Variants in SLC20A2 observed in about 807,000 individuals in gnomAD.
The protein encoded by SLC20A2 is sodium-dependent phosphate transporter 2.
In SLC20A2, 30 loss-of-function variants were observed where a neutral mutation model predicts 61.0. The observed-to-expected ratio is 0.49, with a 90% CI of 0.37 to 0.67. The LOEUF is 0.67. SLC20A2 is among the 30% of genes least tolerant of loss of function. The pLI, the probability that SLC20A2 is intolerant of heterozygous loss-of-function variation, is 0.00. For synonymous variants in SLC20A2, 351 were observed against 353.3 expected, an observed-to-expected ratio of 0.99 and a Z score of 0.07; for missense variants, 626 against 866.4, an observed-to-expected ratio of 0.72 and a Z score of 3.48.
chr8:42,525,046 A>T (rs1448896530), intron 1 of SLC20A2, among the ~76,000 whole-genome samples: 1 of 152,098 alleles, frequency 6.6e-6, no homozygotes, highest in Non-Finnish European at 1.5e-5. Flanking sequence ...GTTTTAGTTC[A>T]TCTTTTGTTA....
Position 42,437,445 on chromosome 8 carries a change from T to A in SLC20A2, c.1067A>T (p.Asp356Val), listed in dbSNP as rs1804370172. Reference sequence around the variant, plus strand: ...GTCGATGTGGATTTTGTGCAGCAGATCTTTGTAGAGCCCCGAGTCTTTGTG... The same window carrying A: ...GTCGATGTGGATTTTGTGCAGCAGAACTTTGTAGAGCCCCGAGTCTTTGTG... ...TVHKDSGLYK[D>V]LLHKIHIDRG... The change falls in exon 8 of 11, where the codon GAT (aspartate) becomes GTT (valine). Residue 356 changes from aspartate (D) to valine (V), a missense_variant. Asp to Val is a radical substitution (Grantham distance 152). Coordinates refer to ENST00000520262, the MANE Select transcript of SLC20A2 (RefSeq NM_001257180.2). This position sits in a 1 kb window ranked among gnomAD's most constrained non-coding sequence, Gnocchi z 6.4. 4.3e-6 allele frequency: 7 copies of A among 1,614,036 alleles called. No individual in the cohort carries two copies. Among genetic ancestry groups the A allele is most frequent in the Non-Finnish European group, 4.2e-6 (5 of 1,179,994 alleles).
chr8:42,453,455 C>A (rs1805901137), intron 5 of SLC20A2, among the ~76,000 whole-genome samples: 1 of 152,102 alleles, frequency 6.6e-6, no homozygotes, highest in East Asian at 1.9e-4. Context: ...AAATAATCAA[C>A]TTCACAATAA....
intron 8 of SLC20A2, among the ~76,000 whole-genome samples, chr8:42,430,583 G>A (rs569878661): frequency 5.3e-5 from 8 of 152,132 alleles, no homozygotes; most frequent in African/African-American, 1.4e-4. Flanking sequence ...GGCTGGTCTC[G>A]AACCCCTGAC....
chr8:42,537,492 T>TA (rs1488561810), intron 1 of SLC20A2: 1 of 151,860 alleles, frequency 6.6e-6, no homozygotes. Flanking sequence ...TCAAATCTGG[T>TA]AAGTGTTTAA....
upstream of SLC20A2, among the ~76,000 whole-genome samples, chr8:42,505,573 A>T (rs745915000): frequency 2.0e-5 from 3 of 152,234 alleles, no homozygotes; most frequent in Non-Finnish European, 2.9e-5. Flanking sequence ...AAAATATTTT[A>T]AAATGACATC....
At chr8:42,457,653 A>G (rs1806322689) in intron 5 of SLC20A2, among the ~76,000 whole-genome samples, 1 of 151,908 alleles carries the variant, frequency 6.6e-6, no homozygotes, top group African/African-American at 2.4e-5. Context: ...CGCCCAGCTA[A>G]TTTTTGTATT....
chr8:42,451,666 G>A (rs1753292845), intron 5 of SLC20A2, among the ~76,000 whole-genome samples: 2 of 125,850 alleles, frequency 1.6e-5, no homozygotes, highest in South Asian at 3.2e-4. Context: ...GAGATAGAGG[G>A]GGAGGAAGAG....
intron 1 of SLC20A2, among the ~76,000 whole-genome samples, chr8:42,519,120 G>T (rs1430279684): frequency 6.6e-6 from 1 of 152,146 alleles, no homozygotes; most frequent in Non-Finnish European, 1.5e-5. Flanking sequence ...TCTCAGTCTT[G>T]GCTTAACAGA....
intron 1 of SLC20A2, among the ~76,000 whole-genome samples, chr8:42,517,294 G>C (rs531002977): frequency 6.6e-6 from 1 of 151,196 alleles, no homozygotes; most frequent in Non-Finnish European, 1.5e-5. Context: ...CCTGAACCTG[G>C]GAAGTTGAGG....
At chr8:42,463,670 G>A (rs752753559) in intron 3 of SLC20A2, among the ~76,000 whole-genome samples, 1 of 152,102 alleles carries the variant, frequency 6.6e-6, no homozygotes, top group Non-Finnish European at 1.5e-5. Flanking sequence ...AAAAGGTTGG[G>A]AATGGGGTTT....
At chr8:42,442,957 T>C (rs1639698462) in intron 6 of SLC20A2, among the ~76,000 whole-genome samples, 1 of 152,098 alleles carries the variant, frequency 6.6e-6, no homozygotes, top group African/African-American at 2.4e-5. Flanking sequence ...GTAAAAAGCA[T>C]GTGGCTTCAA....
chr8:42,446,324 C>G (rs1347230820), intron 5 of SLC20A2, among the ~76,000 whole-genome samples: 1 of 152,246 alleles, frequency 6.6e-6, no homozygotes, highest in Non-Finnish European at 1.5e-5. Flanking sequence ...CTCCAGCCCT[C>G]ATCACCCTGA....
chr8:42,447,538 C>T (rs968601527), intron 5 of SLC20A2, among the ~76,000 whole-genome samples: 13 of 151,512 alleles, frequency 8.6e-5, no homozygotes, highest in East Asian at 1.9e-4. Context: ...ATTAGCCAGG[C>T]GTGGTGGTGG....
intron 1 of SLC20A2, among the ~76,000 whole-genome samples, chr8:42,476,884 C>G (rs1422365311): frequency 6.6e-6 from 1 of 152,230 alleles, no homozygotes; most frequent in Admixed American, 6.5e-5. Flanking sequence ...GGTCCATTCC[C>G]GTCCGGCCAG....
At chr8:42,511,928 C>T (rs144047066) in intron 1 of SLC20A2, among the ~76,000 whole-genome samples, 1 of 152,080 alleles carries the variant, frequency 6.6e-6, no homozygotes, top group Non-Finnish European at 1.5e-5. Flanking sequence ...CAACTCAGCT[C>T]TCAGAACTAT....
At chr8:42,446,915 C>T (rs1805259754) in intron 5 of SLC20A2, among the ~76,000 whole-genome samples, 1 of 152,048 alleles carries the variant, frequency 6.6e-6, no homozygotes, top group Non-Finnish European at 1.5e-5. Flanking sequence ...ATAAGAATGT[C>T]ACTTTTGTAA....
At chr8:42,486,057 ATTAG>A (rs1808977267) in intron 1 of SLC20A2, among the ~76,000 whole-genome samples, 1 of 152,168 alleles carries the variant, frequency 6.6e-6, no homozygotes. Context: ...CATATTTTAA[ATTAG>A]TTAAGAAAGA....
At chr8:42,467,687 C>A (rs1420287280) in intron 2 of SLC20A2, among the ~76,000 whole-genome samples, 1 of 152,130 alleles carries the variant, frequency 6.6e-6, no homozygotes, top group East Asian at 1.9e-4. Context: ...CTGGCTGTGA[C>A]CCTGTGTCAA....
intron 1 of SLC20A2, among the ~76,000 whole-genome samples, chr8:42,488,162 C>T (rs1177003478): frequency 2.7e-5 from 4 of 146,688 alleles, no homozygotes; most frequent in East Asian, 2.0e-4. Context: ...TGACTTTTAG[C>T]GACTGTGAAT....
Sources: allele counts gnomAD v4.1 joint callset (sites outside exome capture counted in the v4.1 genomes callset), GRCh38; gene constraint gnomAD v4.1.1; non-coding constraint Gnocchi (gnomAD v3.1); transcripts MANE v1.5; gene names NCBI Gene and HGNC (gene_info 2026-07-23, HGNC 2026-07-21).